USP26: variants seen among roughly 807,000 people sequenced by gnomAD.
The protein encoded by USP26 is ubiquitin specific peptidase 26.
For synonymous variants in USP26, 236 were observed against 240.6 expected, an observed-to-expected ratio of 0.98 and a Z score of 0.18; for missense variants, 649 against 642.3, an observed-to-expected ratio of 1.01 and a Z score of -0.11.
intron 5 of USP26, among the ~76,000 whole-genome samples, chrX:133,068,295 T>A (rs757954614): frequency 9.0e-6 from 1 of 111,668 alleles, no homozygotes; most frequent in African/African-American, 3.3e-5. Context: ...AAACTACCTA[T>A]TGATTACTAT....
intron 5 of USP26, among the ~76,000 whole-genome samples, chrX:133,068,511 A>G (rs1348572021): frequency 2.7e-5 from 3 of 112,971 alleles, no homozygotes; most frequent in Non-Finnish European, 5.6e-5. Flanking sequence ...AAATTCTAAG[A>G]CGAAGCTCTA....
At chrX:133,093,928 C>G (rs187147038) in intron 1 of USP26, among the ~76,000 whole-genome samples, 7 of 96,987 alleles carry the variant, frequency 7.2e-5, no homozygotes, top group Admixed American at 5.9e-4. Flanking sequence ...CTGTAGAGTG[C>G]CGTGATCACA....
Position 133,027,543 on chromosome X carries a change from C to T in USP26, c.678G>A (p.Glu226=), listed in dbSNP as rs2067357297. The change falls in exon 6 of 6, where the codon GAG becomes GAA. Residue 226 remains glutamate, a synonymous_variant. Coordinates refer to ENST00000511190, the MANE Select transcript of USP26 (RefSeq NM_031907.3). ...ATTCCAATTTCTTATTCTCTTCTAA[C>T]TCTTTTAACTTCAATTGTTTCTCTC... is the stretch of plus-strand genomic sequence containing the variant. The part of the protein sequence containing the change: ...YNREKQLKLK[E]LEENKKLECE... 2 of 1,209,665 alleles carry T rather than the reference C, an allele frequency of 1.7e-6. No homozygotes were observed. Among genetic ancestry groups the T allele is most frequent in the African/African-American group, 1.7e-5 (1 of 57,738 alleles).
chrX:133,079,641 T>C (rs1376132879), intron 5 of USP26, among the ~76,000 whole-genome samples: 2 of 111,511 alleles, frequency 1.8e-5, no homozygotes, highest in African/African-American at 6.5e-5. Flanking sequence ...TTTAAATTGT[T>C]AAAGATGACA....
intron 5 of USP26, among the ~76,000 whole-genome samples, chrX:133,038,998 C>A (rs904965554): frequency 5.4e-5 from 6 of 111,678 alleles, no homozygotes; most frequent in African/African-American, 2.0e-4. Context: ...TCTGTGGGGT[C>A]AGTGGTGACA....
chrX:133,038,008 A>T (rs141059051), intron 5 of USP26, among the ~76,000 whole-genome samples: 1 of 111,507 alleles, frequency 9.0e-6, no homozygotes, highest in East Asian at 2.9e-4. Flanking sequence ...ATTTTAGCAC[A>T]TTCATTTTGT....
chrX:133,079,216 G>T (rs1420908874), intron 5 of USP26, among the ~76,000 whole-genome samples: 1 of 111,524 alleles, frequency 9.0e-6, no homozygotes, highest in Non-Finnish European at 1.9e-5. Flanking sequence ...CTCTGTCAAG[G>T]TAGTGCTCCT....
At chrX:133,064,990 AAAG>A (rs1380868504) in intron 5 of USP26, among the ~76,000 whole-genome samples, 1 of 111,881 alleles carries the variant, frequency 8.9e-6, no homozygotes, top group Non-Finnish European at 1.9e-5. Context: ...CCAGACTAAT[AAAG>A]AAGAAAAGAG....
At position 133,025,764 on chromosome X, in the gene USP26, C is replaced by A. The variant is rs1352076960; in HGVS notation, c.2457G>T (p.Lys819Asn). 3 of 1,208,069 alleles carry A rather than the reference C, an allele frequency of 2.5e-6. No homozygotes were observed. The African/African-American group carries it at 5.3e-5, about 21-fold the overall frequency. Residue 819 changes from lysine (K) to asparagine (N), a missense_variant, in exon 6 of 6, where the codon AAG (lysine) becomes AAT (asparagine). Transcript: ENST00000511190. ...TAATGAGCCGGTAGGTATGATCTCC[C>A]TTATCATCATTTCTTTTTGTTTCCT... ...KAKETKRNDD[K>N]GDHTYRLISV...
chrX:133,044,658 C>G (rs1379588900), intron 5 of USP26, among the ~76,000 whole-genome samples: 1 of 113,331 alleles, frequency 8.8e-6, no homozygotes, highest in Non-Finnish European at 1.9e-5. Context: ...TGAGCCTCCC[C>G]TGCTCCCCAC....
chrX:133,053,601 G>C (rs2067466820), intron 5 of USP26, among the ~76,000 whole-genome samples: 2 of 109,327 alleles, frequency 1.8e-5, no homozygotes, highest in African/African-American at 6.7e-5. Context: ...GTATAAAACA[G>C]ATTCATACCT....
intron 5 of USP26, 95 bp from the exon 6 acceptor site, chrX:133,028,391 T>C: frequency 1.8e-6 from 1 of 565,451 alleles, no homozygotes; most frequent in Non-Finnish European, 2.8e-6. Flanking sequence ...TAGTTCAGGT[T>C]CTAGATATCC....
At chrX:133,096,041 G>A (rs985798594) in intron 1 of USP26, among the ~76,000 whole-genome samples, 2 of 92,526 alleles carry the variant, frequency 2.2e-5, no homozygotes, top group African/African-American at 4.0e-5. Flanking sequence ...CACGGCGCCC[G>A]GCCTAATTTT....
At chrX:133,085,687 GA>G (rs1427532558) in intron 4 of USP26, among the ~76,000 whole-genome samples, 1 of 112,101 alleles carries the variant, frequency 8.9e-6, no homozygotes, top group African/African-American at 3.2e-5. Context: ...TAAATTCACT[GA>G]ATTTTTATGT....
chrX:133,062,345 C>A (rs1362281683), intron 5 of USP26, among the ~76,000 whole-genome samples: 1 of 112,090 alleles, frequency 8.9e-6, no homozygotes, highest in Non-Finnish European at 1.9e-5. Flanking sequence ...CTCTGCCTGC[C>A]AGCTCTGAAG....
At chrX:133,080,620 A>G (rs916167231) in intron 5 of USP26, among the ~76,000 whole-genome samples, 1 of 111,489 alleles carries the variant, frequency 9.0e-6, no homozygotes. Flanking sequence ...GAAATCCACA[A>G]AAAAGGCAGG....
rs142347745 is a variant in USP26 at position 133,043,991 on chromosome X, G to A, written c.-76-15695C>T. 2.0e-3 allele frequency among the ~76,000 whole-genome samples: 224 copies of A among 112,162 alleles called. 1 individual carries two copies. Among genetic ancestry groups the A allele is most frequent in the Non-Finnish European group, 3.4e-3 (181 of 53,194 alleles). Reference sequence around the variant, plus strand: ...CAAAAAGAAGTAAGTCCACAAGTGAGCAGATGGTTAAGTATGCATCAGTTT... The same window carrying A: ...CAAAAAGAAGTAAGTCCACAAGTGAACAGATGGTTAAGTATGCATCAGTTT... On this transcript the variant is annotated intron_variant, in intron 5 of 5. Transcript: ENST00000511190.
chrX:133,072,321 A>G (rs1569510801), intron 5 of USP26, among the ~76,000 whole-genome samples: 1 of 112,382 alleles, frequency 8.9e-6, no homozygotes, highest in Middle Eastern at 4.6e-3. Flanking sequence ...ATGCATGCGC[A>G]TGCACGGCAC....
At chrX:133,041,160 T>A in intron 5 of USP26, among the ~76,000 whole-genome samples, 1 of 111,091 alleles carries the variant, frequency 9.0e-6, no homozygotes, top group Middle Eastern at 4.6e-3. Flanking sequence ...CAGAGGGGTT[T>A]GTTATTACCC....
Sources: allele counts gnomAD v4.1 joint callset (sites outside exome capture counted in the v4.1 genomes callset), GRCh38; gene constraint gnomAD v4.1.1; transcripts MANE v1.5; gene names NCBI Gene and HGNC (gene_info 2026-07-23, HGNC 2026-07-21).